DLL1: variants seen among roughly 807,000 people sequenced by gnomAD.
The protein encoded by DLL1 is delta-like protein 1.
DLL1 carries 9 observed loss-of-function variants against 75.1 expected under a neutral mutation model. That is an observed-to-expected ratio of 0.12 (90% confidence interval 0.07 to 0.21). The LOEUF is 0.21. Among genes scored for constraint, DLL1 ranks in the 10% least tolerant of loss-of-function variants. DLL1 has a pLI of 1.00. For missense variants in DLL1, 837 were observed against 1,007.6 expected, an observed-to-expected ratio of 0.83 and a Z score of 2.29; for synonymous variants, 477 against 418.3, an observed-to-expected ratio of 1.14 and a Z score of -1.71.
At position 170,288,348 on chromosome 6, in the gene DLL1, G is replaced by A; in HGVS notation, c.561C>T (p.Gly187=). 6.2e-7 allele frequency: 1 copy of A among 1,614,084 alleles called. No individual in the cohort carries two copies. Among genetic ancestry groups the A allele is most frequent in the Non-Finnish European group, 8.5e-7 (1 of 1,180,054 alleles). The change falls in exon 4 of 11, where the codon GGC becomes GGT. Residue 187 remains glycine (G), a synonymous_variant. Transcript: ENST00000366756. ...FVCDEHYYGE[G]CSVFCRPRDD... ...CCCGGGGACGGCAGAAAACGGAGCA[G>A]CCCTCTCCGTAGTAGTGTTCGTCAC...
In DLL1 at chr6:170,285,148, G is replaced by A. The variant is rs1783668928; in HGVS notation, c.1033-13C>T. The A allele has an allele frequency of 1.2e-6, 2 of 1,613,834 alleles. No individual in the cohort carries two copies. The highest frequency in any genetic ancestry group is 1.1e-5 in the South Asian group (1 of 91,084). ...TGTTCTCGAGATCCTACACGATGGAGAGGTCAGAAAAGGCTTTCCAAAGTT... is the reference window on the plus strand; with the variant it reads ...TGTTCTCGAGATCCTACACGATGGAAAGGTCAGAAAAGGCTTTCCAAAGTT... On this transcript the variant is annotated splice_polypyrimidine_tract_variant and intron_variant, in intron 7 of 10. Transcript: ENST00000366756.
At position 170,289,496 on chromosome 6, in the gene DLL1, C is replaced by T; in HGVS notation, c.351+16G>A. ...AGCTTCAGGGCCGGCCCGGCGCGCG[C>T]AGGTGCGGCACTCACCGGCCAGGTG... is the stretch of plus-strand genomic sequence containing the variant. On this transcript the variant is annotated intron_variant, in intron 2 of 10. Transcript: ENST00000366756. The T allele has an allele frequency of 6.5e-7, 1 of 1,529,030 alleles. No homozygotes were observed. The highest frequency in any genetic ancestry group is 8.7e-7 in the Non-Finnish European group (1 of 1,143,816). The allele number at this position is 1,529,030 out of a possible 1,614,324, so 94.7% of individuals were successfully genotyped here. A position where few individuals can be genotyped will look rare whatever the true frequency, so the allele number is the denominator to read the frequency against.
rs749369225 is a variant in DLL1, at chr6:170,282,887, G to A, written c.2167-8C>T. ...CTCACTTCCATTTTACACCTGGGGG[G>A]CCACAAGACAAATGGGAAGTTAGCC... On this transcript the variant is annotated splice_polypyrimidine_tract_variant and splice_region_variant and intron_variant, in intron 10 of 10. Coordinates refer to ENST00000366756, the MANE Select transcript of DLL1 (RefSeq NM_005618.4). The A allele has an allele frequency of 1.1e-4, 170 of 1,614,068 alleles. No individual in the cohort carries two copies. The highest frequency in any genetic ancestry group is 1.4e-4 in the Non-Finnish European group (163 of 1,180,042).
rs868721745 is a variant in DLL1 at position 170,290,215 on chromosome 6, G to T, written c.-76C>A. The T allele has an allele frequency of 1.9e-6, 3 of 1,543,620 alleles. No individual in the cohort carries two copies. In the Middle Eastern group the frequency reaches 5.1e-4, roughly 262 times the overall value. On this transcript the variant is annotated 5_prime_UTR_variant, in exon 1 of 11. Coordinates refer to ENST00000366756, the MANE Select transcript of DLL1 (RefSeq NM_005618.4). This position sits in a 1 kb window ranked among gnomAD's most constrained non-coding sequence, Gnocchi z 4.7. Reference sequence around the variant, plus strand: ...AACAGCGGCGGACGCGCGGGGGATCGATGGGCCACGGGGAGCGTGGGCAGA... The same window carrying T: ...AACAGCGGCGGACGCGCGGGGGATCTATGGGCCACGGGGAGCGTGGGCAGA...
In DLL1 at chr6:170,285,563, G is replaced by T. The variant is rs190048473; in HGVS notation, c.862+6C>A. 1.6e-4 allele frequency: 262 copies of T among 1,614,112 alleles called. No individual in the cohort carries two copies. Among genetic ancestry groups the T allele is most frequent in the Non-Finnish European group, 2.0e-4 (236 of 1,180,022 alleles). On this transcript the variant is annotated splice_donor_region_variant and intron_variant, in intron 6 of 10. Transcript: ENST00000366756. ...GAGCAGGCTGCCTCAGGGAGAGAAGGCTTACCCTGGTTGCAGAAAAGGCCC... is the reference window on the plus strand; with the variant it reads ...GAGCAGGCTGCCTCAGGGAGAGAAGTCTTACCCTGGTTGCAGAAAAGGCCC...
At position 170,289,497 on chromosome 6, in the gene DLL1, A is replaced by G. The variant is rs1562498676; in HGVS notation, c.351+15T>C. On this transcript the variant is annotated intron_variant, in intron 2 of 10. Transcript: ENST00000366756. Reference sequence around the variant, plus strand: ...GCTTCAGGGCCGGCCCGGCGCGCGCAGGTGCGGCACTCACCGGCCAGGTGA... The same window carrying G: ...GCTTCAGGGCCGGCCCGGCGCGCGCGGGTGCGGCACTCACCGGCCAGGTGA... The G allele has an allele frequency of 4.6e-6, 7 of 1,528,862 alleles. No individual in the cohort carries two copies. The highest frequency in any genetic ancestry group is 1.4e-5 in the African/African-American group (1 of 71,680). The allele number at this position is 1,528,862 out of a possible 1,614,324, so 94.7% of individuals were successfully genotyped here.
At chr6:170,284,527 G>A (rs1783652247) in intron 8 of DLL1, among the ~76,000 whole-genome samples, 1 of 152,194 alleles carries the variant, frequency 6.6e-6, no homozygotes. Flanking sequence ...CTGCTAGCAG[G>A]AGGCTCTCTG....
chr6:170,289,949 C>A, intron 1 of DLL1, 137 bp downstream of exon 1: 1 of 1,321,818 alleles, frequency 7.6e-7, no homozygotes, highest in Non-Finnish European at 9.8e-7. Context: ...CTGGGGTCGT[C>A]GCCCCCGGGA....
chr6:170,286,484 G>A (rs1435752168), intron 4 of DLL1, among the ~76,000 whole-genome samples, 186 bp from the exon 5 acceptor site: 5 of 152,092 alleles, frequency 3.3e-5, no homozygotes, highest in African/African-American at 1.2e-4. Flanking sequence ...CCCTGGGGAT[G>A]AGCATTCTTC....
rs761643780 is a variant in DLL1, at chr6:170,288,290, G to A, written c.619C>T (p.Arg207Cys). The A allele has an allele frequency of 9.9e-6, 16 of 1,613,866 alleles. No homozygotes were observed. Among genetic ancestry groups the A allele is most frequent in the African/African-American group, 2.7e-5 (2 of 74,934 alleles). The change falls in exon 4 of 11, where the codon CGT becomes TGT. Residue 207 changes from arginine to cysteine, a missense_variant. By Grantham distance (180) the Arg-to-Cys change is radical (BLOSUM62 -3). Around this residue, in one of 2 missense-constraint regions of DLL1, gnomAD observed 304 missense variants for 461.9 expected, o/e 0.66. Coordinates refer to ENST00000366756, the MANE Select transcript of DLL1 (RefSeq NM_005618.4). ...DAFGHFTCGERGEKVCNPGWK... is the reference protein window; with the variant it reads ...DAFGHFTCGECGEKVCNPGWK... ...CCAGGGTTGCACACTTTCTCCCCAC[G>A]CTCCCCACAGGTGAAGTGGCCGAAG... is the stretch of plus-strand genomic sequence containing the variant.
Position 170,289,278 on chromosome 6 carries a change from C to T in DLL1, c.351+234G>A, listed in dbSNP as rs926481178. The T allele has an allele frequency of 4.4e-6, 3 of 676,944 alleles. No individual in the cohort carries two copies. The Admixed American group carries it at 7.4e-5, about 17-fold the overall frequency. 41.9% of individuals were successfully genotyped at this position (676,944 alleles called of 1,614,324 possible). A position where few individuals can be genotyped will look rare whatever the true frequency, so the allele number is the denominator to read the frequency against. ...ACGGAAATCTCCCGGGCGCGCTCGG[C>T]CTCTCCTCCTCGCCCCAGCGCGGTC... On this transcript the variant is annotated intron_variant, in intron 2 of 10. Transcript: ENST00000366756.
In DLL1 at chr6:170,290,119, C is replaced by T. The variant is rs1783821956; in HGVS notation, c.21G>A (p.Leu7=). 6.3e-7 allele frequency: 1 copy of T among 1,593,316 alleles called. No homozygotes were observed. The highest frequency in any genetic ancestry group is 8.5e-7 in the Non-Finnish European group (1 of 1,177,734). Residue 7 remains leucine (L), a synonymous_variant, in exon 1 of 11, where the codon CTG becomes CTA. Transcript: ENST00000366756. The surrounding 1 kb of genome is among the most constrained non-coding windows in gnomAD (Gnocchi z 4.7). The stretch of plus-strand genomic sequence containing the variant: ...GCAAGGCCGAGAGCACCGCCAGGGC[C>T]AGCGCGCACCGACTGCCCATGCTGC... MGSRCA[L]ALAVLSALLC... is the part of the protein sequence containing the mutation.
chr6:170,286,194 CAAGAA>C, intron 5 of DLL1, 39 bp downstream of exon 5: 1 of 1,613,188 alleles, frequency 6.2e-7, no homozygotes, highest in Non-Finnish European at 8.5e-7. Context: ...GAAAAGATAA[CAAGAA>C]AAGGCAACAA....
In DLL1 at chr6:170,290,540, C is replaced by T. The variant is rs555333598; in HGVS notation, c.-401G>A. 15 of 249,130 alleles carry T rather than the reference C, an allele frequency of 6.0e-5. No homozygotes were observed. Among genetic ancestry groups the T allele is most frequent in the Admixed American group, 1.2e-4 (2 of 17,170 alleles). 15.4% of individuals were successfully genotyped at this position (249,130 alleles called of 1,614,324 possible). A position where few individuals can be genotyped will look rare whatever the true frequency, so the allele number is the denominator to read the frequency against. On this transcript the variant is annotated 5_prime_UTR_variant, in exon 1 of 11. Transcript: ENST00000366756. The surrounding 1 kb of genome is among the most constrained non-coding windows in gnomAD (Gnocchi z 4.7). ...AAAGAGAGAGAGTCCAGAGATTGAG[C>T]TTAATTCCCAAGAGAGCTGCAGAGC...
Position 170,289,656 on chromosome 6 carries a change from G to A in DLL1, c.207C>T (p.Ala69=), listed in dbSNP as rs772480449. The part of the protein sequence containing the change: ...FFRVCLKHYQ[A]SVSPEPPCTY... ...TGCAGGGCGGCTCGGGGGACACGCT[G>A]GCCTGGTAGTGCTTGAGGCACACGC... is the stretch of plus-strand genomic sequence containing the variant. Residue 69 remains alanine (A), a synonymous_variant, in exon 2 of 11, where the codon GCC becomes GCT. Transcript: ENST00000366756. 25 of 1,541,410 alleles carry A rather than the reference G, an allele frequency of 1.6e-5. No individual in the cohort carries two copies. The highest frequency in any genetic ancestry group is 2.1e-5 in the Non-Finnish European group (24 of 1,146,474).
In DLL1 at chr6:170,283,357, T is replaced by G. The variant is rs373035310; in HGVS notation, c.1922A>C (p.Tyr641Ser). 2 of 1,612,608 alleles carry G rather than the reference T, an allele frequency of 1.2e-6. No individual in the cohort carries two copies. Among genetic ancestry groups the G allele is most frequent in the East Asian group, 2.2e-5 (1 of 44,860 alleles). The change falls in exon 9 of 11, where the codon TAT becomes TCT. Residue 641 changes from tyrosine to serine, a missense_variant. Coordinates refer to ENST00000366756, the MANE Select transcript of DLL1 (RefSeq NM_005618.4). ...ACCCTTGAGGTCCTGCACGAGGTTA[T>G]AGTCCACCGCTGGGTAGCGGGCCTT... ...GFKARYPAVDYNLVQDLKGDD... is the reference protein window; with the variant it reads ...GFKARYPAVDSNLVQDLKGDD...
At chr6:170,289,215 G>A (rs781281458) in intron 2 of DLL1, 19 of 657,074 alleles carry the variant, frequency 2.9e-5, no homozygotes, top group South Asian at 2.8e-4. Flanking sequence ...CCACGTGAAG[G>A]GGCGCCTCTG....
chr6:170,290,022 T>C lies in DLL1; in HGVS notation c.54+64A>G. On this transcript the variant is annotated intron_variant, in intron 1 of 10. Transcript: ENST00000366756. The surrounding 1 kb of genome is among the most constrained non-coding windows in gnomAD (Gnocchi z 4.7). ...CTGTCCGCCCCTCCCCGCGCGCTCC[T>C]GCCCCGCGCCCCGGCTACCCGTGAG... The C allele has an allele frequency of 6.7e-7, 1 of 1,495,144 alleles. No individual in the cohort carries two copies. The highest frequency in any genetic ancestry group is 8.9e-7 in the Non-Finnish European group (1 of 1,129,014). The allele number at this position is 1,495,144 out of a possible 1,614,324, so 92.6% of individuals were successfully genotyped here.
rs762122976 is a variant in DLL1, at chr6:170,286,228, G to T, written c.731+10C>A. On this transcript the variant is annotated intron_variant, in intron 5 of 10. Transcript: ENST00000366756. ...GCAACAAAACAAAACACCACCTTGTGCAGACTTACTTGCATTCCCCTGGTT... is the reference window on the plus strand; with the variant it reads ...GCAACAAAACAAAACACCACCTTGTTCAGACTTACTTGCATTCCCCTGGTT... The T allele has an allele frequency of 6.2e-7, 1 of 1,614,194 alleles. No homozygotes were observed. The highest frequency in any genetic ancestry group is 8.5e-7 in the Non-Finnish European group (1 of 1,180,028).
Sources: gnomAD v4.1 joint callset for allele counts (sites outside exome capture counted in the v4.1 genomes callset) on GRCh38, gnomAD v4.1.1 for gene constraint, gnomAD v4.1.1 regional missense constraint, Gnocchi (gnomAD v3.1) non-coding constraint, MANE v1.5 for transcripts, NCBI Gene and HGNC (gene_info 2026-07-23, HGNC 2026-07-21) for gene names.